The following NKAIN2 variants were observed in gnomAD, a reference collection of about 807,000 sequenced individuals.
The protein encoded by NKAIN2 is sodium/potassium-transporting ATPase subunit beta-1-interacting protein 2.
NKAIN2 carries 14 observed loss-of-function variants against 32.6 expected under a neutral mutation model. That is an observed-to-expected ratio of 0.43 (90% CI 0.28 to 0.67). The LOEUF is 0.67. Among genes scored for constraint, NKAIN2 ranks in the 30% least tolerant of loss-of-function variants. The pLI is 0.17. For synonymous variants in NKAIN2, 80 were observed against 87.2 expected (o/e 0.92, Z 0.46); for missense variants, 198 against 258.3 (o/e 0.77, Z 1.60).
At chr6:124,525,512 C>A (rs957141619) in intron 3 of NKAIN2, among the ~76,000 whole-genome samples, 1 of 152,002 alleles carries the variant, frequency 6.6e-6, no homozygotes, top group South Asian at 2.1e-4. Flanking sequence ...GTCATAATAA[C>A]TTAGTAAGGG....
At chr6:124,409,538 T>G (rs1774047856) in intron 3 of NKAIN2, among the ~76,000 whole-genome samples, 1 of 152,322 alleles carries the variant, frequency 6.6e-6, no homozygotes, top group African/African-American at 2.4e-5. Context: ...ATCCCAGGGA[T>G]GAAGCCCACT....
chr6:124,087,173 T>C (rs376101480), intron 1 of NKAIN2, among the ~76,000 whole-genome samples: 2 of 151,952 alleles, frequency 1.3e-5, no homozygotes, highest in African/African-American at 2.4e-5. Context: ...TGAAGAAATA[T>C]CATTTGATCA....
chr6:124,516,554 G>A (rs1778921937), intron 3 of NKAIN2, among the ~76,000 whole-genome samples: 1 of 152,086 alleles, frequency 6.6e-6, no homozygotes, highest in African/African-American at 2.4e-5. Context: ...CAAAGTTCAT[G>A]TGATTATTGT....
intron 1 of NKAIN2, among the ~76,000 whole-genome samples, chr6:123,856,098 A>C (rs1775544709): frequency 6.6e-6 from 1 of 152,106 alleles, no homozygotes; most frequent in African/African-American, 2.4e-5. Context: ...TTACTTTTTC[A>C]CTTATCATAA....
intron 3 of NKAIN2, among the ~76,000 whole-genome samples, chr6:124,414,461 T>C (rs1341838707): frequency 6.6e-6 from 1 of 152,138 alleles, no homozygotes; most frequent in East Asian, 1.9e-4. Context: ...GGTCTATAAT[T>C]TTCGTTACTT....
chr6:124,245,511 G>A (rs1167314791), intron 1 of NKAIN2, among the ~76,000 whole-genome samples: 6 of 151,786 alleles, frequency 4.0e-5, no homozygotes, highest in Non-Finnish European at 8.8e-5. Context: ...CATTTGCTAA[G>A]AAAAAAAATG....
Position 123,995,552 on chromosome 6 carries a change from C to T in NKAIN2, c.54+191298C>T, listed in dbSNP as rs1779584218. Among the ~76,000 whole-genome samples, 3 of 152,144 alleles carry T rather than the reference C, an allele frequency of 2.0e-5. No individual in the cohort carries two copies. In the South Asian group the frequency reaches 6.2e-4, roughly 31 times the overall value. On this transcript the variant is annotated intron_variant, in intron 1 of 6. Transcript: ENST00000368417. ...CTTGCACTGGCCTCTTACTAGACAA[C>T]TCACTATTTTAAAGATGAGACAATT...
At chr6:124,817,579 C>T (rs1175347514) in intron 5 of NKAIN2, among the ~76,000 whole-genome samples, 10 of 152,012 alleles carry the variant, frequency 6.6e-5, no homozygotes, top group Non-Finnish European at 1.2e-4. Flanking sequence ...CCTTAGAAGC[C>T]CCATAGTGTC....
chr6:124,608,899 T>C (rs1782590676), intron 3 of NKAIN2, among the ~76,000 whole-genome samples: 1 of 152,196 alleles, frequency 6.6e-6, no homozygotes, highest in African/African-American at 2.4e-5. Context: ...AGGGTGGTAG[T>C]GTTAATGACA....
At chr6:124,773,345 C>G (rs1264334324) in intron 4 of NKAIN2, among the ~76,000 whole-genome samples, 1 of 151,964 alleles carries the variant, frequency 6.6e-6, no homozygotes, top group Non-Finnish European at 1.5e-5. Context: ...GGGGGGGTCA[C>G]TGGAAGCCTT....
intron 1 of NKAIN2, among the ~76,000 whole-genome samples, chr6:124,069,458 G>A (rs1038302190): frequency 2.0e-5 from 3 of 152,104 alleles, no homozygotes; most frequent in African/African-American, 4.8e-5. Flanking sequence ...TCAAGAGTAC[G>A]CAAAATGAAC....
At chr6:123,928,446 C>G (rs909321758) in intron 1 of NKAIN2, among the ~76,000 whole-genome samples, 37 of 152,074 alleles carry the variant, frequency 2.4e-4, no homozygotes, top group African/African-American at 8.7e-4. Context: ...GTGTGACGAT[C>G]CTTTATGTTG....
At chr6:124,360,390 A>G (rs910076612) in intron 3 of NKAIN2, among the ~76,000 whole-genome samples, 2 of 152,162 alleles carry the variant, frequency 1.3e-5, no homozygotes, top group Non-Finnish European at 2.9e-5. Context: ...AACAGAAATT[A>G]TAGTAATCAA....
intron 1 of NKAIN2, among the ~76,000 whole-genome samples, chr6:123,815,171 T>C (rs1197931145): frequency 6.6e-6 from 1 of 152,226 alleles, no homozygotes; most frequent in African/African-American, 2.4e-5. Flanking sequence ...AAGATTAGTT[T>C]AAATTGCAAC....
At chr6:124,159,698 G>A (rs1788174391) in intron 1 of NKAIN2, among the ~76,000 whole-genome samples, 1 of 152,066 alleles carries the variant, frequency 6.6e-6, no homozygotes, top group Non-Finnish European at 1.5e-5. Flanking sequence ...CAGAATAGTG[G>A]AATCATCAAA....
chr6:124,099,063 T>A (rs1185012065), intron 1 of NKAIN2, among the ~76,000 whole-genome samples: 2 of 152,154 alleles, frequency 1.3e-5, no homozygotes, highest in Non-Finnish European at 2.9e-5. Context: ...AGATACAGGA[T>A]GGTCCAAATG....
At chr6:124,616,427 TCTTTTCTTTC>T in intron 3 of NKAIN2, among the ~76,000 whole-genome samples, 1 of 145,436 alleles carries the variant, frequency 6.9e-6, no homozygotes, top group African/African-American at 2.6e-5. Flanking sequence ...TTTTTCTTTT[TCTTTTCTTTC>T]TTTTTTTTTT....
intron 5 of NKAIN2, among the ~76,000 whole-genome samples, chr6:124,808,566 A>T (rs905404856): frequency 5.3e-5 from 8 of 152,190 alleles, no homozygotes; most frequent in Non-Finnish European, 1.2e-4. Context: ...CCCTTTGAAA[A>T]CTGGCATAAG....
At chr6:124,056,406 T>TA (rs1399863092) in intron 1 of NKAIN2, among the ~76,000 whole-genome samples, 1 of 151,862 alleles carries the variant, frequency 6.6e-6, no homozygotes, top group Non-Finnish European at 1.5e-5. Flanking sequence ...AAAAAAAACT[T>TA]AAAGATATTC....
Sources: gnomAD v4.1 joint callset for allele counts (sites outside exome capture counted in the v4.1 genomes callset) on GRCh38, gnomAD v4.1.1 for gene constraint, MANE v1.5 for transcripts, NCBI Gene and HGNC (gene_info 2026-07-23, HGNC 2026-07-21) for gene names.